CFAP74: variants seen among roughly 807,000 people sequenced by gnomAD.
The protein encoded by CFAP74 is cilia- and flagella-associated protein 74.
In CFAP74, 124 loss-of-function variants were observed where a neutral mutation model predicts 188.9. The observed-to-expected ratio is 0.66, with a 90% CI of 0.57 to 0.76. CFAP74 has a LOEUF of 0.76. Among genes scored for constraint, CFAP74 ranks in the 30% least tolerant of loss-of-function variants. The probability of loss-of-function intolerance (pLI) is 0.00; values close to 1 mark genes in which losing one functional copy is unlikely to be tolerated. For missense variants in CFAP74, 2,198 were observed against 2,165.2 expected (o/e 1.02, Z -0.30); for synonymous variants, 956 against 916.7 (o/e 1.04, Z -0.77).
intron 1 of CFAP74, among the ~76,000 whole-genome samples, chr1:1,994,998 G>A (rs1269801468): frequency 1.3e-5 from 2 of 152,116 alleles, no homozygotes; most frequent in South Asian, 2.1e-4. Flanking sequence ...ACCCGACGTC[G>A]CCACACAGCT....
At chr1:1,981,083 C>G (rs936644325) in intron 6 of CFAP74, among the ~76,000 whole-genome samples, 1 of 152,216 alleles carries the variant, frequency 6.6e-6, no homozygotes, top group Non-Finnish European at 1.5e-5. Context: ...AAGCGGGGAC[C>G]ACGCTCTCCA....
At chr1:1,993,851 G>C (rs190843391) in intron 1 of CFAP74, among the ~76,000 whole-genome samples, 2 of 150,622 alleles carry the variant, frequency 1.3e-5, no homozygotes, top group Non-Finnish European at 3.0e-5. Context: ...GCGTGGTGGC[G>C]GGCGCCTATA....
chr1:1,940,406 GAA>G lies in CFAP74; in HGVS notation c.2616-5_2616-4del. 1 of 1,521,188 alleles carries G rather than the reference GAA, an allele frequency of 6.6e-7. No individual in the cohort carries two copies. 94.2% of individuals were successfully genotyped at this position (1,521,188 alleles called of 1,614,324 possible). ...CTGCGTCCTCCGGGAGGGAGTGTCT[GAA>G]AGAGGCAGACAAGGCGAATGTGCTT... On this transcript the variant is annotated splice_region_variant and splice_polypyrimidine_tract_variant and intron_variant, in intron 22 of 38. Transcript: ENST00000682832.
At chr1:1,964,367 A>G (rs1036081974) in intron 13 of CFAP74, among the ~76,000 whole-genome samples, 2 of 152,100 alleles carry the variant, frequency 1.3e-5, no homozygotes, top group African/African-American at 4.8e-5. Context: ...GGGCCACGGC[A>G]CCCCCATTGC....
intron 18 of CFAP74, among the ~76,000 whole-genome samples, chr1:1,948,987 T>TCCTCTCCCTTAC (rs1654011398): frequency 1.2e-5 from 1 of 85,930 alleles, no homozygotes; most frequent in African/African-American, 5.3e-5. Flanking sequence ...CCTCCCTCCT[T>TCCTCTCCCTTAC]TCCTTCATTC....
chr1:1,972,216 G>T, intron 8 of CFAP74, 134 bp from the exon 9 acceptor site: 1 of 693,632 alleles, frequency 1.4e-6, no homozygotes, highest in Non-Finnish European at 2.6e-6. Flanking sequence ...AAAGCGCTGG[G>T]ATCACAGGCA....
chr1:1,923,252 C>T lies in CFAP74; in HGVS notation c.4523-107G>A. On this transcript the variant is annotated intron_variant, in intron 36 of 38. Coordinates refer to ENST00000682832, the MANE Select transcript of CFAP74 (RefSeq NM_001304360.2). This position sits in a 1 kb window ranked among gnomAD's most constrained non-coding sequence, Gnocchi z 6.3. ...TTAGCAGTGGCTGTCCTGCTTGGCT[C>T]TGGGGTAGAAGGCTGGGAATCCCTG... The T allele has an allele frequency of 2.7e-6, 4 of 1,495,184 alleles. No individual in the cohort carries two copies. Among genetic ancestry groups the T allele is most frequent in the Non-Finnish European group, 3.6e-6 (4 of 1,113,504 alleles). The allele number at this position is 1,495,184 out of a possible 1,614,324, so 92.6% of individuals were successfully genotyped here.
At chr1:1,931,779 T>C (rs1652404536) in intron 25 of CFAP74, among the ~76,000 whole-genome samples, 1 of 140,928 alleles carries the variant, frequency 7.1e-6, no homozygotes, top group Admixed American at 7.1e-5. Context: ...CTTAAAAAAA[T>C]TGGCTGGGCG....
chr1:1,925,872 C>G lies in CFAP74; in HGVS notation c.4015G>C (p.Val1339Leu), dbSNP rs189496253. Residue 1339 changes from valine (V) to leucine (L), a missense_variant, in exon 33 of 39, where the codon GTG (valine) becomes CTG (leucine). Transcript: ENST00000682832. ...ATGGAGCACGTGATCATGGACGCCA[C>G]GCCAGTGCCCATGAGGGTGAGGGTG... The part of the protein sequence containing the change: ...TLTLTLMGTG[V>L]ASMITCSIEG... 4.3e-6 allele frequency: 7 copies of G among 1,612,580 alleles called. No homozygotes were observed. The highest frequency in any genetic ancestry group is 4.5e-5 in the East Asian group (2 of 44,904).
intron 10 of CFAP74, among the ~76,000 whole-genome samples, chr1:1,969,986 G>C (rs570850036): frequency 3.3e-5 from 5 of 152,250 alleles, no homozygotes; most frequent in Non-Finnish European, 1.5e-5. Context: ...GGAGCGTTAC[G>C]GGCAGGGCTG....
intron 25 of CFAP74, 100 bp from the exon 26 acceptor site, chr1:1,930,436 G>T (rs960814598): frequency 9.0e-6 from 11 of 1,224,256 alleles, no homozygotes; most frequent in African/African-American, 7.6e-5. Flanking sequence ...CCCCGGGGGG[G>T]GCTCACAGGG....
rs1570816967 is a variant in CFAP74 at position 1,926,888 on chromosome 1, C to G, written c.3662+6G>C. The G allele has an allele frequency of 1.3e-6, 2 of 1,549,980 alleles. No homozygotes were observed. The highest frequency in any genetic ancestry group is 4.9e-5 in the East Asian group (2 of 40,890). On this transcript the variant is annotated splice_donor_region_variant and intron_variant, in intron 29 of 38. Transcript: ENST00000682832. ...CACACCCTGTTCTGGCCAGAGCACC[C>G]CGCACCTGAAGCTCAGGGGTTCTGA...
chr1:1,955,118 GC>G (rs1171652092), intron 18 of CFAP74: 1 of 1,287,232 alleles, frequency 7.8e-7, no homozygotes, highest in East Asian at 5.5e-5. Flanking sequence ...CCAGCTCCGC[GC>G]TGAGCTGCAG....
Position 1,923,597 on chromosome 1 carries a change from C to A in CFAP74, c.4390-98G>T, listed in dbSNP as rs993633027. 8 of 1,541,206 alleles carry A rather than the reference C, an allele frequency of 5.2e-6. No homozygotes were observed. The highest frequency in any genetic ancestry group is 7.0e-6 in the Non-Finnish European group (8 of 1,142,210). ...GGCTCAGGGAAGGAAGCAGGGACGG[C>A]CTGGGGGCCCCGTGGGGCCCTGGAC... is the stretch of plus-strand genomic sequence containing the variant. On this transcript the variant is annotated intron_variant, in intron 35 of 38. Coordinates refer to ENST00000682832, the MANE Select transcript of CFAP74 (RefSeq NM_001304360.2). The surrounding 1 kb of genome is among the most constrained non-coding windows in gnomAD (Gnocchi z 6.3).
In CFAP74 at chr1:1,981,819, A is replaced by AGCCGCGG. The variant is rs1656889975; in HGVS notation, c.500+3566_500+3567insCCGCGGC. ...ACACGCGGGGGCACGCAGGACACCC[A>AGCCGCGG]ACCGCGGACAGACACGGGGGCACGC... On this transcript the variant is annotated intron_variant, in intron 6 of 38. Coordinates refer to ENST00000682832, the MANE Select transcript of CFAP74 (RefSeq NM_001304360.2). 4.4e-5 allele frequency among the ~76,000 whole-genome samples: 6 copies of AGCCGCGG among 137,566 alleles called. 1 individual carries two copies. Among genetic ancestry groups the AGCCGCGG allele is most frequent in the African/African-American group, 8.8e-5 (3 of 33,904 alleles). The allele number at this position is 137,566 out of a possible 152,430, so 90.2% of individuals were successfully genotyped here.
intron 3 of CFAP74, 111 bp downstream of exon 3, chr1:1,988,778 C>A: frequency 7.6e-7 from 1 of 1,317,632 alleles, no homozygotes; most frequent in South Asian, 1.3e-5. Context: ...GCGGGAGCTA[C>A]AGCCTGTGGG....
intron 25 of CFAP74, among the ~76,000 whole-genome samples, chr1:1,936,527 A>C (rs1222120500): frequency 6.6e-6 from 1 of 152,050 alleles, no homozygotes; most frequent in Non-Finnish European, 1.5e-5. Context: ...CTGGCGAGAG[A>C]GCGAGAGTCC....
In CFAP74 at chr1:1,923,864, C is replaced by T. The variant is rs530455933; in HGVS notation, c.4300G>A (p.Gly1434Arg). ...GTGACAGTGAAGTCTTGTGTCTTCC[C>T]GGGGTCCATGACGCCCTTGACGGGG... Reference protein sequence around the residue: ...VAPVKGVMDPGKTQDFTVTFS... With the variant: ...VAPVKGVMDPRKTQDFTVTFS... Residue 1434 changes from glycine to arginine, a missense_variant, in exon 35 of 39, where the codon GGG (glycine) becomes AGG (arginine). Coordinates refer to ENST00000682832, the MANE Select transcript of CFAP74 (RefSeq NM_001304360.2). The surrounding 1 kb of genome is among the most constrained non-coding windows in gnomAD (Gnocchi z 6.3). The T allele has an allele frequency of 7.8e-5, 126 of 1,613,248 alleles. No homozygotes were observed. Among genetic ancestry groups the T allele is most frequent in the Middle Eastern group, 1.7e-4 (1 of 6,060 alleles).
rs1653985066 is a variant in CFAP74 at position 1,948,923 on chromosome 1, TCCTTCCTCTTTCCTC to T, written c.2177-1884_2177-1870del. Among the ~76,000 whole-genome samples, 3 of 15,630 alleles carry T rather than the reference TCCTTCCTCTTTCCTC, an allele frequency of 1.9e-4. 1 individual carries two copies. Among genetic ancestry groups the T allele is most frequent in the Non-Finnish European group, 4.9e-4 (3 of 6,104 alleles). 10.3% of individuals were successfully genotyped at this position (15,630 alleles called of 152,430 possible). On this transcript the variant is annotated intron_variant, in intron 18 of 38. Transcript: ENST00000682832. The stretch of plus-strand genomic sequence containing the variant: ...CTTCCCTTCCTTCCTTCCCTTTCCT[TCCTTCCTCTTTCCTC>T]CCTTCCTTTCCCTCCCTTACTCCCT...
Sources: allele counts gnomAD v4.1 joint callset (sites outside exome capture counted in the v4.1 genomes callset), GRCh38; gene constraint gnomAD v4.1.1; non-coding constraint Gnocchi (gnomAD v3.1); transcripts MANE v1.5; gene names NCBI Gene and HGNC (gene_info 2026-07-23, HGNC 2026-07-21).